The following NAA35 variants were observed in gnomAD, a reference collection of about 807,000 sequenced individuals.
NAA35 encodes MAK10 homolog, amino-acid N-acetyltransferase subunit.
Under a neutral mutation model 101.7 loss-of-function variants are expected in NAA35, and 18 were observed. The ratio of observed to expected loss-of-function variants is 0.18; its 90% CI spans 0.12 to 0.26. The LOEUF (loss-of-function observed/expected upper bound fraction) is 0.26, where lower values mean the gene tolerates loss of function less well. Among genes scored for constraint, NAA35 ranks in the 10% least tolerant of loss-of-function variants. NAA35 has a pLI of 1.00. For missense variants in NAA35, 601 were observed against 886.8 expected, an observed-to-expected ratio of 0.68 and a Z score of 4.09; for synonymous variants, 267 against 273.1, an observed-to-expected ratio of 0.98 and a Z score of 0.22.
intron 11 of NAA35, among the ~76,000 whole-genome samples, chr9:85,982,782 A>AT (rs1267821820): frequency 3.3e-5 from 5 of 152,290 alleles, no homozygotes; most frequent in African/African-American, 4.8e-5. Context: ...TGAAGAAGTG[A>AT]TTTTTTTCTT....
At chr9:85,975,231 A>C in intron 8 of NAA35, 74 bp downstream of exon 8, 1 of 1,465,290 alleles carries the variant, frequency 6.8e-7, no homozygotes, top group Non-Finnish European at 9.4e-7. Context: ...CTAATTAAAA[A>C]TGTGTAGAAC....
At chr9:86,013,967 T>C (rs1832077664) in intron 17 of NAA35, 70 bp downstream of exon 17, 1 of 1,226,596 alleles carries the variant, frequency 8.2e-7, no homozygotes, top group Non-Finnish European at 1.1e-6. Context: ...CAGAGTTAAT[T>C]TCAGGGTACT....
chr9:85,974,822 T>C (rs1000471598), intron 6 of NAA35, 145 bp from the exon 7 acceptor site: 1 of 613,268 alleles, frequency 1.6e-6, no homozygotes, highest in Admixed American at 3.0e-5. Context: ...ATCCTAGCAA[T>C]ATTTAGACAA....
In NAA35 at chr9:86,012,568, G is replaced by T. The variant is rs12351671; in HGVS notation, c.1291-478G>T. On this transcript the variant is annotated intron_variant, in intron 15 of 22. Transcript: ENST00000361671. ...TCAGACTTACAAATCCATGTCTCTT[G>T]CCTGGTTAGTGGAATGTTACATAGT... Among the ~76,000 whole-genome samples, 604 of 152,192 alleles carry T rather than the reference G, an allele frequency of 4.0e-3. 5 individuals are homozygous for T. The highest frequency in any genetic ancestry group is 0.014 in the African/African-American group (571 of 41,506).
intron 11 of NAA35, among the ~76,000 whole-genome samples, chr9:85,994,381 A>G (rs1271696751): frequency 6.6e-6 from 1 of 152,188 alleles, no homozygotes; most frequent in Non-Finnish European, 1.5e-5. Flanking sequence ...TAGGTCCCTC[A>G]TACAAGTGAT....
At chr9:85,945,007 T>C (rs1198923903) in intron 2 of NAA35, among the ~76,000 whole-genome samples, 2 of 152,200 alleles carry the variant, frequency 1.3e-5, no homozygotes, top group African/African-American at 4.8e-5. Flanking sequence ...CTCTACTTGT[T>C]TTTGATTGTA....
At chr9:85,959,162 G>A (rs1398699243) in intron 4 of NAA35, among the ~76,000 whole-genome samples, 3 of 152,074 alleles carry the variant, frequency 2.0e-5, no homozygotes, top group East Asian at 1.9e-4. Context: ...GGATCACGAG[G>A]TCAGGAGATC....
intron 6 of NAA35, among the ~76,000 whole-genome samples, chr9:85,972,481 G>A (rs947114450): frequency 2.9e-5 from 4 of 135,890 alleles, no homozygotes; most frequent in African/African-American, 5.7e-5. Flanking sequence ...CACTACACTC[G>A]AGCCTGGATG....
intron 11 of NAA35, chr9:85,986,700 T>C (rs1049683461): frequency 1.6e-5 from 5 of 309,948 alleles, no homozygotes; most frequent in African/African-American, 9.2e-5. Flanking sequence ...TTCTCTTACC[T>C]CACCCTCCTG....
chr9:85,984,117 C>A (rs989906143), intron 11 of NAA35, among the ~76,000 whole-genome samples: 2 of 151,542 alleles, frequency 1.3e-5, no homozygotes, highest in African/African-American at 4.9e-5. Flanking sequence ...TGCATGAGGC[C>A]AGGAATTCAA....
intron 11 of NAA35, among the ~76,000 whole-genome samples, chr9:85,993,486 A>C (rs1831017581): frequency 6.6e-6 from 1 of 152,186 alleles, no homozygotes; most frequent in African/African-American, 2.4e-5. Context: ...GCTAATCCAT[A>C]GGGACAGGAA....
rs1308553985 is a variant in NAA35, at chr9:85,959,834, G to A, written c.315G>A (p.Leu105=). ...IKIKDLTLPE[L]IGIMDTCFCC... is the part of the protein sequence containing the mutation. The stretch of plus-strand genomic sequence containing the variant: ...TTAAAGATCTCACCTTGCCTGAACT[G>A]ATAGGGATTATGGATACATGTTTTT... The change falls in exon 5 of 23, where the codon CTG becomes CTA. Residue 105 remains leucine (L), a synonymous_variant. Coordinates refer to ENST00000361671, the MANE Select transcript of NAA35 (RefSeq NM_024635.4). The A allele has an allele frequency of 8.1e-6, 13 of 1,611,456 alleles. No individual in the cohort carries two copies. The highest frequency in any genetic ancestry group is 6.8e-6 in the Non-Finnish European group (8 of 1,179,042).
chr9:85,973,360 T>C (rs558725059), intron 6 of NAA35, among the ~76,000 whole-genome samples: 1 of 152,296 alleles, frequency 6.6e-6, no homozygotes. Flanking sequence ...CCTTCTGCCT[T>C]CTGGTGGTAT....
rs754920755 is a variant in NAA35, at chr9:85,959,779, TTCC to T, written c.274-9_274-7del. The T allele has an allele frequency of 6.3e-6, 10 of 1,597,200 alleles. No individual in the cohort carries two copies. In the Admixed American group the frequency reaches 8.7e-5, roughly 14 times the overall value. ...AAATTTCTGCTTATATGTCACATTCTTCCTCCTTTTTAGGATGGCACTATTAAA... is the reference window on the plus strand; with the variant it reads ...AAATTTCTGCTTATATGTCACATTCTTCCTTTTTAGGATGGCACTATTAAA... On this transcript the variant is annotated splice_polypyrimidine_tract_variant and intron_variant, in intron 4 of 22. Coordinates refer to ENST00000361671, the MANE Select transcript of NAA35 (RefSeq NM_024635.4).
intron 3 of NAA35, among the ~76,000 whole-genome samples, chr9:85,958,137 C>T (rs1019955288): frequency 3.3e-5 from 5 of 151,992 alleles, no homozygotes; most frequent in Admixed American, 2.0e-4. Flanking sequence ...GATGGGGTTT[C>T]TCCATGTTGG....
intron 5 of NAA35, among the ~76,000 whole-genome samples, chr9:85,961,384 GAGATA>G (rs1829507662): frequency 6.6e-6 from 1 of 152,168 alleles, no homozygotes; most frequent in Non-Finnish European, 1.5e-5. Context: ...GGAAAAAAAT[GAGATA>G]AGATATTTGA....
intron 2 of NAA35, among the ~76,000 whole-genome samples, chr9:85,944,374 T>C (rs960786145): frequency 6.6e-6 from 1 of 152,266 alleles, no homozygotes; most frequent in African/African-American, 2.4e-5. Context: ...GAAGTTTCTC[T>C]ACCAGCATAA....
intron 18 of NAA35, 89 bp from the exon 19 acceptor site, chr9:86,017,409 G>T: frequency 8.2e-7 from 1 of 1,225,788 alleles, no homozygotes; most frequent in Non-Finnish European, 1.2e-6. Context: ...CAAGCTGAAA[G>T]ATTTTTTAAA....
At chr9:85,951,078 C>G (rs1828998086) in intron 2 of NAA35, among the ~76,000 whole-genome samples, 1 of 149,400 alleles carries the variant, frequency 6.7e-6, no homozygotes, top group South Asian at 2.1e-4. Flanking sequence ...GTGGAAGTTG[C>G]AGTGAACTGA....
Sources: gnomAD v4.1 joint callset for allele counts (sites outside exome capture counted in the v4.1 genomes callset) on GRCh38, gnomAD v4.1.1 for gene constraint, MANE v1.5 for transcripts, NCBI Gene and HGNC (gene_info 2026-07-23, HGNC 2026-07-21) for gene names.